SEC16B: variants seen among roughly 807,000 people sequenced by gnomAD.
SEC16B encodes the protein protein transport protein Sec16B.
A neutral mutation model predicts 141.8 loss-of-function variants in SEC16B; 115 were observed. The ratio of observed to expected loss-of-function variants is 0.81; its 90% CI spans 0.70 to 0.95. The LOEUF is 0.95. Ranked by LOEUF, SEC16B falls within the 40% of genes least tolerant of loss-of-function variation. The pLI, the probability that SEC16B is intolerant of heterozygous loss-of-function variation, is 0.00. For synonymous variants in SEC16B, 493 were observed against 492.5 expected (o/e 1.00, Z -0.01); for missense variants, 1,291 against 1,312.3 (o/e 0.98, Z 0.25).
chr1:177,932,841 C>T, intron 22 of SEC16B, 35 bp from the exon 23 acceptor site: 1 of 1,571,098 alleles, frequency 6.4e-7, no homozygotes. Context: ...GCATTGGCAA[C>T]ATTGGCAGTT....
At chr1:177,935,652 C>T (rs1650781503) in intron 20 of SEC16B, among the ~76,000 whole-genome samples, 1 of 146,798 alleles carries the variant, frequency 6.8e-6, no homozygotes, top group Admixed American at 6.8e-5. Flanking sequence ...TAATGTACCA[C>T]TTCAGTCAGG....
chr1:177,971,744 A>T (rs778202111), upstream of SEC16B, among the ~76,000 whole-genome samples: 3 of 152,212 alleles, frequency 2.0e-5, no homozygotes, highest in Non-Finnish European at 4.4e-5. Flanking sequence ...TTTACCCAAG[A>T]TCACAAAGTT....
chr1:177,962,848 TGTAATC>T (rs1212382396), intron 5 of SEC16B, among the ~76,000 whole-genome samples: 1 of 152,144 alleles, frequency 6.6e-6, no homozygotes, highest in East Asian at 1.9e-4. Context: ...GGCTCACACC[TGTAATC>T]CCAGCACTTT....
chr1:177,959,208 G>A (rs1005939460), intron 8 of SEC16B: 1 of 529,804 alleles, frequency 1.9e-6, no homozygotes, highest in Non-Finnish European at 3.4e-6. Flanking sequence ...AAGAAACAGA[G>A]GCTCAGAGAC....
intron 3 of SEC16B, 45 bp downstream of exon 3, chr1:177,965,847 TG>T: frequency 8.1e-7 from 1 of 1,233,152 alleles, no homozygotes; most frequent in Non-Finnish European, 1.2e-6. Flanking sequence ...TCAGACCAGC[TG>T]CCCCATCCCC....
chr1:177,933,237 A>G lies in SEC16B; in HGVS notation c.2800T>C (p.Ser934Pro). Residue 934 changes from serine (S) to proline (P), a missense_variant, in exon 22 of 26, where the codon TCC (serine) becomes CCC (proline). Ser to Pro is a moderately conservative substitution (Grantham distance 74). This residue lies in a region of SEC16B where 605 missense variants were observed against 614.1 expected (regional missense o/e 0.99). Transcript: ENST00000308284. ...KNASPAGDED[S>P]SDSPDSEETP... ...ACCTCAGAGTCAGGGCTGTCTGAGG[A>G]GTCCTCGTCTCCAGCGGGGGATGCG... The G allele has an allele frequency of 6.3e-7, 1 of 1,589,966 alleles. No individual in the cohort carries two copies.
intron 1 of SEC16B, among the ~76,000 whole-genome samples, chr1:177,975,803 C>A (rs1654147737): frequency 6.6e-6 from 1 of 152,142 alleles, no homozygotes; most frequent in African/African-American, 2.4e-5. Flanking sequence ...AACTAAGCTA[C>A]CCCCTGGAAA....
intron 19 of SEC16B, 69 bp downstream of exon 19, chr1:177,937,145 C>T (rs777946207): frequency 2.7e-4 from 399 of 1,500,346 alleles, no homozygotes; most frequent in Non-Finnish European, 3.3e-4. Context: ...GTCCCACCAC[C>T]TCCCTTTCCT....
intron 18 of SEC16B, 27 bp from the exon 19 acceptor site, chr1:177,937,540 A>G (rs374050637): frequency 1.0e-5 from 15 of 1,478,304 alleles, no homozygotes; most frequent in Non-Finnish European, 1.3e-5. Flanking sequence ...AAGGTAAAGA[A>G]GTCAGACCTG....
intron 14 of SEC16B, 65 bp from the exon 15 acceptor site, chr1:177,944,731 G>T (rs2101929050): frequency 7.5e-7 from 1 of 1,333,032 alleles, no homozygotes; most frequent in South Asian, 1.2e-5. Context: ...AAATCCTAGT[G>T]GCTCTCCAAA....
intron 12 of SEC16B, 83 bp downstream of exon 12, chr1:177,951,831 C>G (rs949554163): frequency 5.4e-5 from 58 of 1,069,328 alleles, no homozygotes; most frequent in Non-Finnish European, 7.3e-5. Flanking sequence ...CTCCTGAAAG[C>G]CATCAGTGCA....
Position 177,928,901 on chromosome 1 carries a change from A to G in SEC16B, c.*957T>C, listed in dbSNP as rs1006942436. ...ACAAAAAAAAATGTTCTTTGTGAGG[A>G]GCAATTTTCAGCAAATCTGACAAAC... is the stretch of plus-strand genomic sequence containing the variant. On this transcript the variant is annotated 3_prime_UTR_variant, in exon 26 of 26. Transcript: ENST00000308284. 1 of 152,232 alleles carries G rather than the reference A, an allele frequency of 6.6e-6. No homozygotes were observed. Among genetic ancestry groups the G allele is most frequent in the Non-Finnish European group, 1.5e-5 (1 of 68,040 alleles). The allele number at this position is 152,232 out of a possible 1,614,324, so 9.4% of individuals were successfully genotyped here. A position where few individuals can be genotyped will look rare whatever the true frequency, so the allele number is the denominator to read the frequency against.
At chr1:177,957,144 C>A (rs1652673846) in intron 10 of SEC16B, among the ~76,000 whole-genome samples, 1 of 151,968 alleles carries the variant, frequency 6.6e-6, no homozygotes, top group Admixed American at 6.6e-5. Context: ...CCTTTATATA[C>A]CCAATAATTC....
chr1:177,964,215 C>G lies in SEC16B; in HGVS notation c.598G>C (p.Glu200Gln). Residue 200 changes from glutamate (E) to glutamine (Q), a missense_variant, in exon 5 of 26, where the codon GAG becomes CAG. Coordinates refer to ENST00000308284, the MANE Select transcript of SEC16B (RefSeq NM_033127.4). Reference sequence around the variant, plus strand: ...GCAAGCAGGCTCCCTGGAAACAGCTCCCCCGGCCACTCCTGTCCAGAGTTG... The same window carrying G: ...GCAAGCAGGCTCCCTGGAAACAGCTGCCCCGGCCACTCCTGTCCAGAGTTG... Reference protein sequence around the residue: ...ASNSGQEWPGELFPGSLLAEA... With the variant: ...ASNSGQEWPGQLFPGSLLAEA... 1 of 1,613,416 alleles carries G rather than the reference C, an allele frequency of 6.2e-7. No individual in the cohort carries two copies.
At chr1:177,934,920 G>T (rs1386909708) in intron 20 of SEC16B, among the ~76,000 whole-genome samples, 1 of 152,066 alleles carries the variant, frequency 6.6e-6, no homozygotes, top group African/African-American at 2.4e-5. Flanking sequence ...CATGGTCGTG[G>T]AGGCCCCATA....
At chr1:177,969,782 C>T (rs1434604511) in intron 1 of SEC16B, 102 bp downstream of exon 1, 1 of 152,200 alleles carries the variant, frequency 6.6e-6, no homozygotes, top group African/African-American at 2.4e-5. Flanking sequence ...ATGTAGATGA[C>T]CTTTCCTAGC....
chr1:177,940,583 C>A (rs1164740845), intron 17 of SEC16B, 27 bp downstream of exon 17: 7 of 1,539,670 alleles, frequency 4.5e-6, no homozygotes, highest in Non-Finnish European at 6.3e-6. Context: ...CCAGTCCCCC[C>A]AACGCCCTGG....
chr1:177,929,884 G>C lies in SEC16B; in HGVS notation c.3157C>G (p.Arg1053Gly). ...SLNRPNRLAQRRYPTQPC is the reference protein window; with the variant it reads ...SLNRPNRLAQGRYPTQPC ...CAGCATGGCTGGGTGGGATAGCGAC[G>C]CTGAGCTAGGCGATTTGGCCGATTC... The change falls in exon 26 of 26, where the codon CGT becomes GGT. Residue 1053 changes from arginine to glycine, a missense_variant. By Grantham distance (125) the Arg-to-Gly change is moderately radical. Coordinates refer to ENST00000308284, the MANE Select transcript of SEC16B (RefSeq NM_033127.4). 6.2e-7 allele frequency: 1 copy of C among 1,613,918 alleles called. No individual in the cohort carries two copies. Among genetic ancestry groups the C allele is most frequent in the Non-Finnish European group, 8.5e-7 (1 of 1,179,868 alleles).
At position 177,958,189 on chromosome 1, in the gene SEC16B, C is replaced by G. The variant is rs1192755111; in HGVS notation, c.1308G>C (p.Glu436Asp). 1 of 1,595,206 alleles carries G rather than the reference C, an allele frequency of 6.3e-7. No individual in the cohort carries two copies. Reference protein sequence around the residue: ...LLTGEIPPSVETPAQIVEKFT... With the variant: ...LLTGEIPPSVDTPAQIVEKFT... Reference sequence around the variant, plus strand: ...ATTTCTCCACGATCTGCGCAGGTGTCTCCACACTGGGGGGGATCTCTCCCG... The same window carrying G: ...ATTTCTCCACGATCTGCGCAGGTGTGTCCACACTGGGGGGGATCTCTCCCG... The change falls in exon 10 of 26, where the codon GAG (glutamate) becomes GAC (aspartate). Residue 436 changes from glutamate (E) to aspartate (D), a missense_variant. This residue lies in a region of SEC16B where 681 missense variants were observed against 675.5 expected (regional missense o/e 1.01). Transcript: ENST00000308284.
Sources: allele counts gnomAD v4.1 joint callset (sites outside exome capture counted in the v4.1 genomes callset), GRCh38; gene constraint gnomAD v4.1.1; regional missense constraint gnomAD v4.1.1; transcripts MANE v1.5; gene names NCBI Gene and HGNC (gene_info 2026-07-23, HGNC 2026-07-21).